The following FBXO25 variants were observed in gnomAD, a reference collection of about 807,000 sequenced individuals.
FBXO25 encodes F-box only protein 25.
FBXO25 carries 45 observed loss-of-function variants against 51.9 expected under a neutral mutation model. The ratio of observed to expected loss-of-function variants is 0.87; its 90% CI spans 0.68 to 1.11. The LOEUF (loss-of-function observed/expected upper bound fraction) is 1.11. FBXO25 is among the 50% of genes most tolerant of loss of function. The pLI is 0.00. For synonymous variants in FBXO25, 199 were observed against 151.0 expected (o/e 1.32, Z -2.33); for missense variants, 507 against 428.5 (o/e 1.18, Z -1.62).
At chr8:436,415 T>C (rs1019302191) in intron 5 of FBXO25, among the ~76,000 whole-genome samples, 1 of 152,214 alleles carries the variant, frequency 6.6e-6, no homozygotes, top group Non-Finnish European at 1.5e-5. Context: ...TTTTAGGCAT[T>C]TAAAAGTGCT....
chr8:451,777 C>T (rs892141408), intron 7 of FBXO25, among the ~76,000 whole-genome samples: 19 of 152,076 alleles, frequency 1.2e-4, no homozygotes, highest in Non-Finnish European at 2.2e-4. Flanking sequence ...ATTGTGTTGC[C>T]AGTAATTCTC....
At chr8:408,581 T>C (rs922992143) in intron 1 of FBXO25, among the ~76,000 whole-genome samples, 2 of 152,364 alleles carry the variant, frequency 1.3e-5, no homozygotes, top group Admixed American at 6.5e-5. Context: ...CATATGTAGA[T>C]TGTTTAGAGT....
chr8:426,319 G>T (rs1193045483), intron 2 of FBXO25, among the ~76,000 whole-genome samples: 3 of 152,194 alleles, frequency 2.0e-5, no homozygotes, highest in South Asian at 2.1e-4. Flanking sequence ...TGTTAAATCT[G>T]TGGCTTATAT....
chr8:448,964 A>ACGTT (rs1327874167), intron 5 of FBXO25, among the ~76,000 whole-genome samples: 2 of 152,228 alleles, frequency 1.3e-5, no homozygotes, highest in Non-Finnish European at 2.9e-5. Context: ...CAGAAGAACT[A>ACGTT]CAGAGAGAAC....
At chr8:456,146 A>T (rs1257707788) in intron 7 of FBXO25, among the ~76,000 whole-genome samples, 5 of 152,228 alleles carry the variant, frequency 3.3e-5, no homozygotes, top group Non-Finnish European at 7.3e-5. Context: ...GGAAGACATA[A>T]TTCTTGTGAG....
intron 3 of FBXO25, among the ~76,000 whole-genome samples, chr8:431,797 C>A (rs572155435): frequency 1.6e-4 from 25 of 152,246 alleles, no homozygotes; most frequent in African/African-American, 6.0e-4. Flanking sequence ...GACAGACATT[C>A]AGAGCTGGAG....
In FBXO25 at chr8:474,714, G is replaced by C; in HGVS notation, c.*5910G>C. 2.2e-6 allele frequency: 1 copy of C among 456,120 alleles called. No homozygotes were observed. 28.3% of individuals were successfully genotyped at this position (456,120 alleles called of 1,614,324 possible). A position where few individuals can be genotyped will look rare whatever the true frequency, so the allele number is the denominator to read the frequency against. ...GGGCTCTTTGTCCATTTTTCAATCAGGTGTGTGTTTTTATATGTTCTGGGT... is the reference window on the plus strand; with the variant it reads ...GGGCTCTTTGTCCATTTTTCAATCACGTGTGTGTTTTTATATGTTCTGGGT... On this transcript the variant is annotated 3_prime_UTR_variant, in exon 10 of 10. Coordinates refer to ENST00000350302, the MANE Select transcript of FBXO25 (RefSeq NM_183420.2).
intron 8 of FBXO25, among the ~76,000 whole-genome samples, chr8:459,738 C>T (rs1473702352): frequency 9.2e-5 from 14 of 152,134 alleles, no homozygotes. Context: ...TAGACAGATG[C>T]ATATGGAGAG....
chr8:476,607 C>G lies in FBXO25; in HGVS notation c.*7803C>G, dbSNP rs762623389. ...AGGCTGTGTGTTTCTAAGAATTTGT[C>G]CAGTTCATCTAGGTTATCCAATTCT... On this transcript the variant is annotated 3_prime_UTR_variant, in exon 10 of 10. Transcript: ENST00000350302. 2.0e-5 allele frequency: 3 copies of G among 152,096 alleles called. No individual in the cohort carries two copies. The highest frequency in any genetic ancestry group is 2.9e-5 in the Non-Finnish European group (2 of 68,014). The allele number at this position is 152,096 out of a possible 1,614,324, so 9.4% of individuals were successfully genotyped here.
At chr8:407,508 C>T (rs1366237450) in intron 1 of FBXO25, 2 of 921,872 alleles carry the variant, frequency 2.2e-6, no homozygotes, top group Non-Finnish European at 2.6e-6. Context: ...AGGTGCACCG[C>T]GCGTCCTCAG....
chr8:458,273 T>C (rs1223627878), intron 7 of FBXO25, 96 bp from the exon 8 acceptor site: 4 of 1,376,628 alleles, frequency 2.9e-6, no homozygotes, highest in Non-Finnish European at 4.0e-6. Context: ...TGTGTTACCA[T>C]GTTTTGAAGC....
At chr8:465,270 G>A (rs1302802145) in intron 9 of FBXO25, among the ~76,000 whole-genome samples, 2 of 152,164 alleles carry the variant, frequency 1.3e-5, no homozygotes, top group African/African-American at 2.4e-5. Flanking sequence ...ACATGTGACT[G>A]TGTCTTCAGT....
At chr8:419,544 CT>C (rs1238389620) in intron 2 of FBXO25, among the ~76,000 whole-genome samples, 1 of 152,100 alleles carries the variant, frequency 6.6e-6, no homozygotes, top group Non-Finnish European at 1.5e-5. Flanking sequence ...AAAGGCACCT[CT>C]TAATATATTC....
chr8:453,508 C>T (rs1333415573), intron 7 of FBXO25, among the ~76,000 whole-genome samples: 1 of 152,088 alleles, frequency 6.6e-6, no homozygotes, highest in Non-Finnish European at 1.5e-5. Flanking sequence ...AGCACTTTAC[C>T]AGCTCAGTTA....
chr8:429,567 A>C (rs1034725585), intron 2 of FBXO25, among the ~76,000 whole-genome samples: 2 of 152,238 alleles, frequency 1.3e-5, no homozygotes, highest in Non-Finnish European at 2.9e-5. Flanking sequence ...TTAACATTTT[A>C]ATGTGTCGAA....
chr8:459,283 C>T (rs1799653865), intron 8 of FBXO25, among the ~76,000 whole-genome samples: 1 of 152,220 alleles, frequency 6.6e-6, no homozygotes, highest in Non-Finnish European at 1.5e-5. Context: ...ACCTTGAAGA[C>T]CTAGGATGGG....
At position 441,368 on chromosome 8, in the gene FBXO25, A is replaced by C. The variant is rs188520646; in HGVS notation, c.381+5661A>C. 2.1e-3 allele frequency among the ~76,000 whole-genome samples: 327 copies of C among 152,348 alleles called. 1 individual carries two copies. The highest frequency in any genetic ancestry group is 7.5e-3 in the African/African-American group (312 of 41,578). On this transcript the variant is annotated intron_variant, in intron 5 of 9. Coordinates refer to ENST00000350302, the MANE Select transcript of FBXO25 (RefSeq NM_183420.2). The stretch of plus-strand genomic sequence containing the variant: ...TACACCTTTATACAAAAATTAACTC[A>C]AGATGGATTAAAGACTTAAACATAA...
At chr8:465,551 C>G (rs984598125) in intron 9 of FBXO25, among the ~76,000 whole-genome samples, 2 of 152,222 alleles carry the variant, frequency 1.3e-5, no homozygotes, top group Admixed American at 1.3e-4. Flanking sequence ...CAGTCCTTCG[C>G]TTCCACATTG....
chr8:421,373 T>C (rs546823939), intron 2 of FBXO25, among the ~76,000 whole-genome samples: 2 of 152,294 alleles, frequency 1.3e-5, no homozygotes, highest in Non-Finnish European at 2.9e-5. Context: ...GAAATGGATG[T>C]GGAATTAGCT....
Sources: allele counts gnomAD v4.1 joint callset (sites outside exome capture counted in the v4.1 genomes callset), GRCh38; gene constraint gnomAD v4.1.1; transcripts MANE v1.5; gene names NCBI Gene and HGNC (gene_info 2026-07-23, HGNC 2026-07-21).